The following GRID2IP variants were observed in gnomAD, a reference collection of about 807,000 sequenced individuals.
GRID2IP encodes Grid2 interacting protein.
A neutral mutation model predicts 114.3 loss-of-function variants in GRID2IP; 78 were observed. That is an observed-to-expected ratio of 0.68 (90% CI 0.57 to 0.82). The LOEUF is 0.82. GRID2IP is among the 40% of genes least tolerant of loss of function. The pLI is 0.00. For missense variants in GRID2IP, 1,727 were observed against 1,678.5 expected, an observed-to-expected ratio of 1.03 and a Z score of -0.51; for synonymous variants, 809 against 724.0, an observed-to-expected ratio of 1.12 and a Z score of -1.89.
chr7:6,503,471 C>T lies in GRID2IP; in HGVS notation c.2907+20G>A, dbSNP rs758989717. 3 of 1,508,530 alleles carry T rather than the reference C, an allele frequency of 2.0e-6. No homozygotes were observed. The highest frequency in any genetic ancestry group is 2.6e-6 in the Non-Finnish European group (3 of 1,136,354). 93.4% of individuals were successfully genotyped at this position (1,508,530 alleles called of 1,614,324 possible). On this transcript the variant is annotated intron_variant, in intron 16 of 21. Transcript: ENST00000457091. ...TGTGGAGCCGGCCGAGGCCTCGGGG[C>T]GGGGTTGTGGTCGCGGCACCTGCAG...
At position 6,521,118 on chromosome 7, in the gene GRID2IP, G is replaced by A. The variant is rs770821461; in HGVS notation, c.1084+311C>T. 5.3e-5 allele frequency among the ~76,000 whole-genome samples: 8 copies of A among 152,234 alleles called. 1 individual carries two copies. The South Asian group carries it at 6.2e-4, about 12-fold the overall frequency. On this transcript the variant is annotated intron_variant, in intron 6 of 21. Transcript: ENST00000457091. The surrounding 1 kb of genome is among the most constrained non-coding windows in gnomAD (Gnocchi z 4.1). Reference sequence around the variant, plus strand: ...CCCAAGTAGCTGGGACTACAGGCACGTGCCATCACGCCCAGCTAGTTTTTG... The same window carrying A: ...CCCAAGTAGCTGGGACTACAGGCACATGCCATCACGCCCAGCTAGTTTTTG...
At chr7:6,511,435 C>G (rs1726590610) in intron 8 of GRID2IP, among the ~76,000 whole-genome samples, 1 of 151,992 alleles carries the variant, frequency 6.6e-6, no homozygotes, top group South Asian at 2.1e-4. Context: ...TGCAGTGGTG[C>G]AATCTCAGCT....
intron 7 of GRID2IP, among the ~76,000 whole-genome samples, chr7:6,515,933 C>T (rs141405350): frequency 0.023 from 3,512 of 150,766 alleles, 135 homozygotes; most frequent in African/African-American, 0.081. Context: ...CCCCTCTCTA[C>T]TAAAAATACA....
chr7:6,503,629 G>C lies in GRID2IP; in HGVS notation c.2769C>G (p.Ser923Arg), dbSNP rs955551179. 2 of 1,528,166 alleles carry C rather than the reference G, an allele frequency of 1.3e-6. No homozygotes were observed. Among genetic ancestry groups the C allele is most frequent in the Non-Finnish European group, 1.7e-6 (2 of 1,144,042 alleles). The allele number at this position is 1,528,166 out of a possible 1,614,324, so 94.7% of individuals were successfully genotyped here. The change falls in exon 16 of 22, where the codon AGC becomes AGG. Residue 923 changes from serine (S) to arginine (R), a missense_variant. Ser to Arg is a moderately radical substitution (Grantham distance 110, BLOSUM62 -1). Transcript: ENST00000457091. The stretch of plus-strand genomic sequence containing the variant: ...CGGGCTCCAGGCGCCGGGGCTCCAT[G>C]CTCATCAGCACCTGGCGCAGCTCCG... ...SPAELRQVLM[S>R]MEPRRLEPAH...
At chr7:6,531,082 G>A (rs1032450543) in intron 2 of GRID2IP, 1 of 623,338 alleles carries the variant, frequency 1.6e-6, no homozygotes, top group East Asian at 3.3e-5. Flanking sequence ...AGTGCCGAGA[G>A]AAGCCCTGGT....
At chr7:6,503,814 G>T in intron 15 of GRID2IP, 127 bp from the exon 16 acceptor site, 1 of 638,960 alleles carries the variant, frequency 1.6e-6, no homozygotes, top group Non-Finnish European at 2.5e-6. Flanking sequence ...GAGAGGACGG[G>T]GCCTTGAGGC....
intron 7 of GRID2IP, among the ~76,000 whole-genome samples, chr7:6,517,920 A>C (rs1187623731): frequency 4.6e-5 from 7 of 151,512 alleles, no homozygotes; most frequent in Admixed American, 3.3e-4. Context: ...ATAAATAAAT[A>C]AATAAATAAA....
chr7:6,498,886 T>C (rs1336128058), intron 20 of GRID2IP, among the ~76,000 whole-genome samples: 2 of 152,038 alleles, frequency 1.3e-5, no homozygotes, highest in African/African-American at 4.8e-5. Context: ...CACCTGGCCT[T>C]AGGCCTTACT....
rs948354739 is a variant in GRID2IP at position 6,528,347 on chromosome 7, G to T, written c.585-1578C>A. On this transcript the variant is annotated intron_variant, in intron 2 of 21. Transcript: ENST00000457091. The surrounding 1 kb of genome is among the most constrained non-coding windows in gnomAD (Gnocchi z 6.0). ...AATGGCAGCAGTTAACATCCTGATG[G>T]ACTCTCCGGTCTGTGGCAGAGGATT... is the stretch of plus-strand genomic sequence containing the variant. Among the ~76,000 whole-genome samples, 1 of 152,190 alleles carries T rather than the reference G, an allele frequency of 6.6e-6. No homozygotes were observed. Among genetic ancestry groups the T allele is most frequent in the Non-Finnish European group, 1.5e-5 (1 of 68,038 alleles).
At chr7:6,500,357 G>A (rs1242124796) in intron 20 of GRID2IP, among the ~76,000 whole-genome samples, 1 of 152,026 alleles carries the variant, frequency 6.6e-6, no homozygotes. Flanking sequence ...CCAGCTACTC[G>A]GGAGGCTGAG....
chr7:6,498,357 G>A (rs1003191761), intron 20 of GRID2IP, 129 bp from the exon 21 acceptor site: 3 of 811,028 alleles, frequency 3.7e-6, no homozygotes, highest in Admixed American at 3.0e-5. Flanking sequence ...GCCAGGCCCT[G>A]TGTCCAACAG....
rs369048735 is a variant in GRID2IP, at chr7:6,525,956, G to C, written c.919+268C>G. Among the ~76,000 whole-genome samples the C allele has an allele frequency of 2.0e-5, 3 of 152,258 alleles. No individual in the cohort carries two copies. In the East Asian group the frequency reaches 5.8e-4, roughly 30 times the overall value. On this transcript the variant is annotated intron_variant, in intron 4 of 21. Coordinates refer to ENST00000457091, the MANE Select transcript of GRID2IP (RefSeq NM_001145118.2). Reference sequence around the variant, plus strand: ...TGCAGAACCTGGTTCCCTTGGCTTGGGGGGATGCTGAATTTAGAGGGGCAG... The same window carrying C: ...TGCAGAACCTGGTTCCCTTGGCTTGCGGGGATGCTGAATTTAGAGGGGCAG...
chr7:6,535,509 GAC>G (rs1436790664), intron 2 of GRID2IP, among the ~76,000 whole-genome samples: 1 of 151,980 alleles, frequency 6.6e-6, no homozygotes, highest in Admixed American at 6.6e-5. Context: ...GCAGATCTCT[GAC>G]ACACACACAC....
At position 6,551,055 on chromosome 7, in the gene GRID2IP, C is replaced by T. The variant is rs1215064771; in HGVS notation, c.382G>A (p.Ala128Thr). 2 of 1,312,564 alleles carry T rather than the reference C, an allele frequency of 1.5e-6. No individual in the cohort carries two copies. Among genetic ancestry groups the T allele is most frequent in the Non-Finnish European group, 9.7e-7 (1 of 1,034,008 alleles). 81.3% of individuals were successfully genotyped at this position (1,312,564 alleles called of 1,614,324 possible). Residue 128 changes from alanine (A) to threonine (T), a missense_variant, in exon 1 of 22, where the codon GCG (alanine) becomes ACG (threonine). Transcript: ENST00000457091. ...TTGCGCCTGCGCTCTCGGTGCACCG[C>T]GTCCGGGCGCTTGCGGCCGGCCAGG... ...LRLAGRKRPD[A>T]VHRERRRKAQ...
chr7:6,529,244 A>T lies in GRID2IP; in HGVS notation c.585-2475T>A, dbSNP rs1425777641. Among the ~76,000 whole-genome samples the T allele has an allele frequency of 2.0e-5, 3 of 152,118 alleles. No individual in the cohort carries two copies. The East Asian group carries it at 5.8e-4, about 29-fold the overall frequency. ...GGCAGGCAGATTACCTGAGGTCAGG[A>T]GTTCGAGACCAGCCTGGCCAAAGTG... On this transcript the variant is annotated intron_variant, in intron 2 of 21. Transcript: ENST00000457091.
At position 6,508,998 on chromosome 7, in the gene GRID2IP, A is replaced by G; in HGVS notation, c.2087T>C (p.Ile696Thr). 1 of 1,546,742 alleles carries G rather than the reference A, an allele frequency of 6.5e-7. No individual in the cohort carries two copies. Among genetic ancestry groups the G allele is most frequent in the Non-Finnish European group, 8.7e-7 (1 of 1,145,918 alleles). Reference sequence around the variant, plus strand: ...CTCCGGGGTCAGGAAATCATCCACGATGGTGACCCGGGGGCCCAGCTGCTC... The same window carrying G: ...CTCCGGGGTCAGGAAATCATCCACGGTGGTGACCCGGGGGCCCAGCTGCTC... ...LSEQLGPRVT[I>T]VDDFLTPEND... The change falls in exon 12 of 22, where the codon ATC becomes ACC. Residue 696 changes from isoleucine (I) to threonine (T), a missense_variant. Transcript: ENST00000457091. This position sits in a 1 kb window ranked among gnomAD's most constrained non-coding sequence, Gnocchi z 5.6.
Position 6,550,437 on chromosome 7 carries a change from T to C in GRID2IP, c.429+571A>G, listed in dbSNP as rs922754670. Among the ~76,000 whole-genome samples the C allele has an allele frequency of 9.9e-5, 15 of 152,170 alleles. No homozygotes were observed. The South Asian group carries it at 3.1e-3, about 32-fold the overall frequency. The stretch of plus-strand genomic sequence containing the variant: ...GTGGTTATTCAAGGGTGCATGTATA[T>C]GGAAAATTTATTGAGCTGCACACTT... On this transcript the variant is annotated intron_variant, in intron 1 of 21. Transcript: ENST00000457091.
chr7:6,537,035 G>A (rs1779736986), intron 2 of GRID2IP: 2 of 499,582 alleles, frequency 4.0e-6, no homozygotes, highest in Admixed American at 3.3e-5. Flanking sequence ...CCGGGAAGAG[G>A]GAGGGGAGGG....
At position 6,507,282 on chromosome 7, in the gene GRID2IP, G is replaced by C. The variant is rs923964705; in HGVS notation, c.2544+703C>G. On this transcript the variant is annotated intron_variant, in intron 13 of 21. Coordinates refer to ENST00000457091, the MANE Select transcript of GRID2IP (RefSeq NM_001145118.2). The surrounding 1 kb of genome is among the most constrained non-coding windows in gnomAD (Gnocchi z 5.3). ...GAACCCTGTTCTCTCCTCTGAGCTG[G>C]TCAAGCCCCATTGGGGGTTCCATCT... 1.3e-5 allele frequency among the ~76,000 whole-genome samples: 2 copies of C among 152,108 alleles called. No individual in the cohort carries two copies. Among genetic ancestry groups the C allele is most frequent in the African/African-American group, 2.4e-5 (1 of 41,410 alleles).
Sources: gnomAD v4.1 joint callset for allele counts (sites outside exome capture counted in the v4.1 genomes callset) on GRCh38, gnomAD v4.1.1 for gene constraint, Gnocchi (gnomAD v3.1) non-coding constraint, MANE v1.5 for transcripts, NCBI Gene and HGNC (gene_info 2026-07-23, HGNC 2026-07-21) for gene names.